HEPH: variants seen among roughly 807,000 people sequenced by gnomAD.
HEPH encodes the protein hephaestin.
Under a neutral mutation model 80.8 loss-of-function variants are expected in HEPH, and 69 were observed. The observed-to-expected ratio is 0.85, with a 90% CI of 0.70 to 1.04. HEPH has a LOEUF of 1.04. Ranked by LOEUF, HEPH falls within the 50% of genes least tolerant of loss-of-function variation. The pLI is 0.00. For missense variants in HEPH, 1,115 were observed against 891.3 expected (o/e 1.25, Z -3.20); for synonymous variants, 431 against 322.8 (o/e 1.34, Z -3.60).
intron 4 of HEPH, among the ~76,000 whole-genome samples, chrX:66,180,040 G>A (rs184380212): frequency 1.3e-3 from 145 of 111,082 alleles, no homozygotes; most frequent in Non-Finnish European, 2.3e-3. Context: ...CTGCATTTTT[G>A]TATTTTTTAA....
chrX:66,207,059 AAAG>A (rs2088820293), intron 13 of HEPH, 133 bp from the exon 14 acceptor site: 1 of 391,922 alleles, frequency 2.6e-6, no homozygotes, highest in Non-Finnish European at 4.0e-6. Flanking sequence ...AAAGAAAAAA[AAAG>A]AAATAGGTCC....
At chrX:66,234,413 A>G (rs1465088477) in intron 15 of HEPH, among the ~76,000 whole-genome samples, 1 of 111,566 alleles carries the variant, frequency 9.0e-6, no homozygotes, top group Non-Finnish European at 1.9e-5. Flanking sequence ...AACAATTCAT[A>G]TTATTTGAGT....
At chrX:66,239,902 A>G (rs938021690) in intron 15 of HEPH, among the ~76,000 whole-genome samples, 2 of 111,354 alleles carry the variant, frequency 1.8e-5, no homozygotes, top group South Asian at 3.8e-4. Context: ...CACCTTCGTC[A>G]CCCTTGGTAA....
chrX:66,262,743 CA>C (rs909984180), intron 19 of HEPH, among the ~76,000 whole-genome samples: 8 of 111,154 alleles, frequency 7.2e-5, no homozygotes, highest in Admixed American at 6.7e-4. Flanking sequence ...GAAGAAAAGA[CA>C]GGATGAAGCT....
chrX:66,202,940 C>T (rs1264214), intron 12 of HEPH, among the ~76,000 whole-genome samples: 25,558 of 80,933 alleles, frequency 0.32, 5,572 homozygotes, highest in African/African-American at 0.74. Flanking sequence ...TATATATATA[C>T]ACACACACAC....
chrX:66,263,332 G>C (rs2091426373), intron 19 of HEPH, among the ~76,000 whole-genome samples: 1 of 111,379 alleles, frequency 9.0e-6, no homozygotes, highest in Non-Finnish European at 1.9e-5. Flanking sequence ...CCTGAAGGAA[G>C]TGTGGCAAAT....
At chrX:66,201,452 C>T (rs1004365809) in intron 12 of HEPH, among the ~76,000 whole-genome samples, 1 of 110,937 alleles carries the variant, frequency 9.0e-6, no homozygotes, top group Non-Finnish European at 1.9e-5. Context: ...CCTCTATATC[C>T]TTTTTCTTCC....
intron 15 of HEPH, among the ~76,000 whole-genome samples, chrX:66,224,909 T>C (rs886171238): frequency 1.8e-5 from 2 of 109,474 alleles, no homozygotes; most frequent in African/African-American, 6.7e-5. Context: ...CTCTGTCTCT[T>C]TCTCTCTCTC....
chrX:66,207,459 T>C, intron 14 of HEPH, 125 bp downstream of exon 14: 1 of 462,772 alleles, frequency 2.2e-6, no homozygotes, highest in Non-Finnish European at 3.3e-6. Context: ...ACTGGAATTA[T>C]GGAATATTTT....
At chrX:66,239,552 C>G (rs747610478) in intron 15 of HEPH, among the ~76,000 whole-genome samples, 2 of 111,124 alleles carry the variant, frequency 1.8e-5, no homozygotes, top group South Asian at 3.8e-4. Flanking sequence ...TTCACATAAT[C>G]ATTTTGGGGT....
chrX:66,264,922 C>A (rs1318082174), intron 20 of HEPH, among the ~76,000 whole-genome samples: 1 of 107,179 alleles, frequency 9.3e-6, no homozygotes, highest in Non-Finnish European at 1.9e-5. Flanking sequence ...TATATACATA[C>A]ATATTTTGTG....
chrX:66,231,175 T>C (rs1160802134), intron 15 of HEPH, among the ~76,000 whole-genome samples: 1 of 109,669 alleles, frequency 9.1e-6, no homozygotes, highest in African/African-American at 3.3e-5. Context: ...TTTTGGTTAC[T>C]GTAGCCTTGT....
At chrX:66,194,058 T>C (rs1472426780) in intron 8 of HEPH, among the ~76,000 whole-genome samples, 1 of 111,468 alleles carries the variant, frequency 9.0e-6, no homozygotes, top group Non-Finnish European at 1.9e-5. Context: ...CATGCAGACA[T>C]ACTTGAAATA....
At chrX:66,244,563 T>G (rs2090729244) in intron 15 of HEPH, among the ~76,000 whole-genome samples, 1 of 111,503 alleles carries the variant, frequency 9.0e-6, no homozygotes, top group African/African-American at 3.2e-5. Context: ...ATCATTTTAT[T>G]ATATCCCTTA....
intron 1 of HEPH, among the ~76,000 whole-genome samples, chrX:66,168,890 ATGTC>A (rs1029756814): frequency 7.1e-5 from 8 of 111,958 alleles, no homozygotes; most frequent in African/African-American, 2.6e-4. Flanking sequence ...ATGAGTATGT[ATGTC>A]TGTTTGTAAA....
chrX:66,214,574 A>G (rs1407043186), intron 15 of HEPH, among the ~76,000 whole-genome samples: 1 of 110,905 alleles, frequency 9.0e-6, no homozygotes, highest in East Asian at 2.8e-4. Context: ...GTCCTTCCCA[A>G]CCCTTGGTCA....
At chrX:66,250,933 G>A (rs1461624159) in intron 15 of HEPH, among the ~76,000 whole-genome samples, 1 of 112,078 alleles carries the variant, frequency 8.9e-6, no homozygotes, top group African/African-American at 3.2e-5. Flanking sequence ...ACTTAGGCTG[G>A]AGTTTAGTGG....
Position 66,203,497 on chromosome X carries a change from C to T in HEPH, c.2211C>T (p.Ile737=). The change falls in exon 13 of 21, where the codon ATC becomes ATT. Residue 737 remains isoleucine (I), a synonymous_variant. Transcript: ENST00000343002. ...QRYQAARIYY[I]MAEEVEWDYC... is the part of the protein sequence containing the mutation. The stretch of plus-strand genomic sequence containing the variant: ...ACCAAGCTGCAAGAATCTACTATAT[C>T]ATGGCAGAAGAAGTAGAGTGGGACT... The T allele has an allele frequency of 8.3e-7, 1 of 1,211,713 alleles. No homozygotes were observed. The highest frequency in any genetic ancestry group is 1.1e-6 in the Non-Finnish European group (1 of 895,382).
intron 4 of HEPH, among the ~76,000 whole-genome samples, chrX:66,175,309 G>GT (rs756571339): frequency 8.9e-6 from 1 of 111,761 alleles, no homozygotes; most frequent in Admixed American, 9.5e-5. Context: ...TCAAAGATCA[G>GT]TTGGCTGTAA....
Sources: allele counts gnomAD v4.1 joint callset (sites outside exome capture counted in the v4.1 genomes callset), GRCh38; gene constraint gnomAD v4.1.1; transcripts MANE v1.5; gene names NCBI Gene and HGNC (gene_info 2026-07-23, HGNC 2026-07-21).